AKR1B15: variants seen among roughly 807,000 people sequenced by gnomAD.
AKR1B15 encodes estradiol 17-beta-dehydrogenase AKR1B15.
A neutral mutation model predicts 38.5 loss-of-function variants in AKR1B15; 49 were observed. The observed-to-expected ratio is 1.27, with a 90% CI of 1.01 to 1.62. The LOEUF (loss-of-function observed/expected upper bound fraction) is 1.62. Among genes scored for constraint, AKR1B15 ranks in the 40% most tolerant of loss-of-function variants. The pLI, the probability that AKR1B15 is intolerant of heterozygous loss-of-function variation, is 0.00. For missense variants in AKR1B15, 411 were observed against 381.6 expected, an observed-to-expected ratio of 1.08 and a Z score of -0.64; for synonymous variants, 137 against 135.5, an observed-to-expected ratio of 1.01 and a Z score of -0.08.
rs534467748 is a variant in AKR1B15 at position 134,578,241 on chromosome 7, T to A, written c.992+455T>A. 8.5e-5 allele frequency among the ~76,000 whole-genome samples: 13 copies of A among 152,224 alleles called. 2 individuals carry two copies. The South Asian group carries it at 2.3e-3, about 27-fold the overall frequency. On this transcript the variant is annotated intron_variant, in intron 11 of 11. Transcript: ENST00000457545. ...ACAAATGCTAGACAGAAAAGTAAAG[T>A]AGGGCAAAGTGGACAGGAAGTGGTA...
At chr7:134,553,001 C>G (rs997264185) in intron 1 of AKR1B15, among the ~76,000 whole-genome samples, 8 of 152,200 alleles carry the variant, frequency 5.3e-5, no homozygotes, top group South Asian at 2.1e-4. Context: ...ATACTACGGA[C>G]CTACTTTACC....
rs1794840876 is a variant in AKR1B15 at position 134,579,604 on chromosome 7, G to T, written c.*55G>T. On this transcript the variant is annotated 3_prime_UTR_variant, in exon 12 of 12. Transcript: ENST00000457545. The stretch of plus-strand genomic sequence containing the variant: ...GGATTCTCTTTCTTCGCTGAAGTGT[G>T]ACTGTCTCCACTCAAGAACTATTTT... The T allele has an allele frequency of 6.8e-7, 1 of 1,470,414 alleles. No individual in the cohort carries two copies. The highest frequency in any genetic ancestry group is 1.4e-5 in the African/African-American group (1 of 69,560). The allele number at this position is 1,470,414 out of a possible 1,614,324, so 91.1% of individuals were successfully genotyped here.
intron 1 of AKR1B15, among the ~76,000 whole-genome samples, chr7:134,552,030 G>A (rs1794001348): frequency 6.6e-6 from 1 of 152,140 alleles, no homozygotes; most frequent in South Asian, 2.1e-4. Context: ...GACACCCTTA[G>A]GCAGTGTCTA....
chr7:134,565,087 G>A (rs117072885), intron 3 of AKR1B15: 4,119 of 299,932 alleles, frequency 0.014, 246 homozygotes, highest in Admixed American at 0.13. Context: ...TGGAATAAAA[G>A]CTGGCCACCC....
intron 8 of AKR1B15, 82 bp downstream of exon 8, chr7:134,576,009 A>G (rs1794762424): frequency 1.0e-5 from 16 of 1,534,206 alleles, no homozygotes; most frequent in African/African-American, 1.4e-5. Flanking sequence ...GTATGGGTCC[A>G]TAAGTTACTG....
rs568972760 is a variant in AKR1B15, at chr7:134,549,833, C to T, written c.-147+584C>T. 5.3e-5 allele frequency among the ~76,000 whole-genome samples: 8 copies of T among 152,278 alleles called. No individual in the cohort carries two copies. The South Asian group carries it at 1.0e-3, about 20-fold the overall frequency. On this transcript the variant is annotated intron_variant, in intron 1 of 11. Transcript: ENST00000457545. ...GTCTAAATTTCATATGTCGGATCGT[C>T]GATACTGCCCAAAATGACTGGGCAA... is the stretch of plus-strand genomic sequence containing the variant.
rs370933423 is a variant in AKR1B15 at position 134,568,250 on chromosome 7, T to C, written c.243T>C (p.His81=). 6.2e-7 allele frequency: 1 copy of C among 1,613,964 alleles called. No homozygotes were observed. Among genetic ancestry groups the C allele is most frequent in the African/African-American group, 1.3e-5 (1 of 74,904 alleles). The stretch of plus-strand genomic sequence containing the variant: ...GTGCCTATTTCTATGAGAATCAACA[T>C]GAGGTGGGAGAAGCCATCCAAGAGA... ...IDCAYFYENQ[H]EVGEAIQEKI... Residue 81 remains histidine (H), a synonymous_variant, in exon 4 of 12, where the codon CAT becomes CAC. Transcript: ENST00000457545.
Position 134,577,794 on chromosome 7 carries a change from G to A in AKR1B15, c.992+8G>A, listed in dbSNP as rs575736864. On this transcript the variant is annotated splice_region_variant and intron_variant, in intron 11 of 11. Coordinates refer to ENST00000457545, the MANE Select transcript of AKR1B15 (RefSeq NM_001080538.3). Reference sequence around the variant, plus strand: ...GGCCTTTGACTTCAAGGAGTAAGTGGCATGGAGTTAACTAGAAGAATTGCC... The same window carrying A: ...GGCCTTTGACTTCAAGGAGTAAGTGACATGGAGTTAACTAGAAGAATTGCC... The A allele has an allele frequency of 8.0e-5, 129 of 1,613,542 alleles. No homozygotes were observed. Among genetic ancestry groups the A allele is most frequent in the Admixed American group, 1.2e-4 (7 of 59,978 alleles).
intron 2 of AKR1B15, among the ~76,000 whole-genome samples, chr7:134,562,519 T>C (rs1328527892): frequency 6.6e-6 from 1 of 152,248 alleles, no homozygotes; most frequent in East Asian, 1.9e-4. Context: ...TACGGAGCAC[T>C]GATTGGTCCA....
At chr7:134,577,407 T>A (rs1010650454) in intron 10 of AKR1B15, among the ~76,000 whole-genome samples, 1 of 152,142 alleles carries the variant, frequency 6.6e-6, no homozygotes, top group Non-Finnish European at 1.5e-5. Flanking sequence ...GAACTGTCCT[T>A]GGAGAAGTGT....
intron 10 of AKR1B15, 113 bp from the exon 11 acceptor site, chr7:134,577,591 A>G (rs2551479): frequency 1.3e-4 from 166 of 1,231,650 alleles, no homozygotes; most frequent in East Asian, 7.9e-4. Flanking sequence ...AAAAACTCCT[A>G]TGGCCAGTTT....
intron 2 of AKR1B15, among the ~76,000 whole-genome samples, chr7:134,557,970 C>G (rs1393492613): frequency 6.6e-6 from 1 of 152,086 alleles, no homozygotes; most frequent in Non-Finnish European, 1.5e-5. Flanking sequence ...TTTTCTCTTC[C>G]ATTGAACAAA....
intron 5 of AKR1B15, 65 bp from the exon 6 acceptor site, chr7:134,571,539 C>T (rs1304635730): frequency 2.7e-5 from 35 of 1,288,144 alleles, no homozygotes; most frequent in South Asian, 2.3e-4. Context: ...GATCCTGAAA[C>T]CTTGTTGAAC....
intron 1 of AKR1B15, among the ~76,000 whole-genome samples, chr7:134,553,687 CTT>C (rs1210128509): frequency 6.6e-6 from 1 of 152,230 alleles, no homozygotes; most frequent in Non-Finnish European, 1.5e-5. Context: ...CCGCGTTTAA[CTT>C]TCTCTCCCAC....
intron 5 of AKR1B15, 65 bp from the exon 6 acceptor site, chr7:134,571,539 C>A (rs1304635730): frequency 2.6e-5 from 34 of 1,288,144 alleles, no homozygotes; most frequent in South Asian, 4.8e-5. Flanking sequence ...GATCCTGAAA[C>A]CTTGTTGAAC....
chr7:134,577,336 C>T (rs941420441), intron 10 of AKR1B15, among the ~76,000 whole-genome samples: 1 of 152,174 alleles, frequency 6.6e-6, no homozygotes, highest in African/African-American at 2.4e-5. Flanking sequence ...AGGCCCTAGG[C>T]CATACACAAG....
At chr7:134,573,524 G>A (rs11977424) in intron 6 of AKR1B15, 42,851 of 985,234 alleles carry the variant, frequency 0.043, 1,147 homozygotes, top group African/African-American at 0.13. Flanking sequence ...TTTGAAACGA[G>A]CATGCTTGAA....
chr7:134,556,166 T>C (rs1794189295), intron 1 of AKR1B15, among the ~76,000 whole-genome samples: 1 of 152,198 alleles, frequency 6.6e-6, no homozygotes, highest in South Asian at 2.1e-4. Context: ...CTGATTTAGG[T>C]GACCCTATGT....
intron 4 of AKR1B15, 91 bp downstream of exon 4, chr7:134,568,416 T>G (rs1794591622): frequency 1.3e-6 from 2 of 1,545,488 alleles, no homozygotes; most frequent in Admixed American, 1.8e-5. Flanking sequence ...GTCGGCCTTT[T>G]CTACGTGTAC....
Sources: gnomAD v4.1 joint callset for allele counts (sites outside exome capture counted in the v4.1 genomes callset) on GRCh38, gnomAD v4.1.1 for gene constraint, MANE v1.5 for transcripts, NCBI Gene and HGNC (gene_info 2026-07-23, HGNC 2026-07-21) for gene names.